The following SEC14L6 variants were observed in gnomAD, a reference collection of about 807,000 sequenced individuals.
The protein encoded by SEC14L6 is SEC14 like lipid binding 6.
In SEC14L6, 40 loss-of-function variants were observed where a neutral mutation model predicts 54.1. The ratio of observed to expected loss-of-function variants is 0.74; its 90% CI spans 0.57 to 0.96. The LOEUF is 0.96. Among genes scored for constraint, SEC14L6 ranks in the 40% least tolerant of loss-of-function variants. The probability of loss-of-function intolerance (pLI) is 0.00; values close to 1 mark genes in which losing one functional copy is unlikely to be tolerated. For synonymous variants in SEC14L6, 171 were observed against 198.4 expected, an observed-to-expected ratio of 0.86 and a Z score of 1.16; for missense variants, 471 against 498.3, an observed-to-expected ratio of 0.95 and a Z score of 0.52.
intron 2 of SEC14L6, among the ~76,000 whole-genome samples, chr22:30,534,830 G>C (rs1601891038): frequency 6.6e-6 from 1 of 152,138 alleles, no homozygotes; most frequent in African/African-American, 2.4e-5. Context: ...TTCGAGACCA[G>C]CCTGGACAAC....
chr22:30,529,111 G>T lies in SEC14L6; in HGVS notation c.640C>A (p.Arg214Ser), dbSNP rs746827312. 79 of 1,550,966 alleles carry T rather than the reference G, an allele frequency of 5.1e-5. No homozygotes were observed. Among genetic ancestry groups the T allele is most frequent in the Non-Finnish European group, 6.3e-5 (72 of 1,147,080 alleles). ...CCTCCGAGAATCACCACCTTCCTGCGTGTCTCTTCACTCATGTAAGACTTG... is the reference window on the plus strand; with the variant it reads ...CCTCCGAGAATCACCACCTTCCTGCTTGTCTCTTCACTCATGTAAGACTTG... ...LVKSYMSEET[R>S]RKVVILGDNW... The change falls in exon 8 of 12, where the codon CGC becomes AGC. Residue 214 changes from arginine (R) to serine (S), a missense_variant. By Grantham distance (110) the Arg-to-Ser change is moderately radical (BLOSUM62 -1). Transcript: ENST00000402034.
At position 30,525,410 on chromosome 22, in the gene SEC14L6, G is replaced by T. The variant is rs779361969; in HGVS notation, c.1021C>A (p.Arg341Ser). 8 of 1,614,046 alleles carry T rather than the reference G, an allele frequency of 5.0e-6. No individual in the cohort carries two copies. The highest frequency in any genetic ancestry group is 6.8e-6 in the Non-Finnish European group (8 of 1,180,036). Residue 341 changes from arginine to serine, a missense_variant, in exon 11 of 12, where the codon CGC becomes AGC. Transcript: ENST00000402034. ...REMTEVLPSQ[R>S]YNAHMVPEDG... ...TCAGGCACCATGTGGGCATTGTAGC[G>T]CTGGCTGGGCAGCACCTCTGTCATC...
intron 1 of SEC14L6, among the ~76,000 whole-genome samples, chr22:30,542,130 C>T (rs1374052837): frequency 6.6e-6 from 1 of 152,184 alleles, no homozygotes; most frequent in East Asian, 1.9e-4. Context: ...ACACCGCGAC[C>T]CTCCCCATCC....
At chr22:30,545,010 C>T (rs999423573) in intron 1 of SEC14L6, among the ~76,000 whole-genome samples, 1 of 152,150 alleles carries the variant, frequency 6.6e-6, no homozygotes, top group Non-Finnish European at 1.5e-5. Flanking sequence ...CACCTCCCAC[C>T]CCGCATACAC....
rs746827312 is a variant in SEC14L6, at chr22:30,529,111, G to A, written c.640C>T (p.Arg214Cys). ...CCTCCGAGAATCACCACCTTCCTGC[G>A]TGTCTCTTCACTCATGTAAGACTTG... is the stretch of plus-strand genomic sequence containing the variant. Reference protein sequence around the residue: ...LVKSYMSEETRRKVVILGDNW... With the variant: ...LVKSYMSEETCRKVVILGDNW... Residue 214 changes from arginine (R) to cysteine (C), a missense_variant, in exon 8 of 12, where the codon CGC becomes TGC. Coordinates refer to ENST00000402034, the MANE Select transcript of SEC14L6 (RefSeq NM_001193336.4). 2.1e-5 allele frequency: 32 copies of A among 1,550,966 alleles called. No individual in the cohort carries two copies. The highest frequency in any genetic ancestry group is 1.8e-4 in the African/African-American group (13 of 72,964).
chr22:30,526,264 G>C (rs73881473), intron 8 of SEC14L6, among the ~76,000 whole-genome samples: 8,990 of 152,294 alleles, frequency 0.059, 436 homozygotes, highest in South Asian at 0.17. Context: ...TGGAGCCTGG[G>C]GTTGAGGTCA....
At chr22:30,531,462 C>T (rs944859824) in intron 6 of SEC14L6, among the ~76,000 whole-genome samples, 2 of 151,520 alleles carry the variant, frequency 1.3e-5, no homozygotes, top group Non-Finnish European at 2.9e-5. Flanking sequence ...CAGTGGCTCA[C>T]GCCTGTAATC....
chr22:30,522,905 A>T lies in SEC14L6; in HGVS notation c.*2092T>A, dbSNP rs560826386. ...GTGTGGTCCATCCATACAGTGGTAT[A>T]TTACTCAGCAACGAAAAGCAACTAA... On this transcript the variant is annotated 3_prime_UTR_variant, in exon 12 of 12. Transcript: ENST00000402034. The T allele has an allele frequency of 6.6e-6, 1 of 152,364 alleles. No homozygotes were observed. The highest frequency in any genetic ancestry group is 1.9e-4 in the East Asian group (1 of 5,190). The allele number at this position is 152,364 out of a possible 1,614,324, so 9.4% of individuals were successfully genotyped here. A position where few individuals can be genotyped will look rare whatever the true frequency, so the allele number is the denominator to read the frequency against.
chr22:30,531,788 G>T, intron 6 of SEC14L6, 115 bp downstream of exon 6: 6 of 694,186 alleles, frequency 8.6e-6, no homozygotes, highest in Non-Finnish European at 1.2e-5. Context: ...CTGTGGGCGG[G>T]TACTCACCTG....
intron 1 of SEC14L6, among the ~76,000 whole-genome samples, chr22:30,545,992 C>T (rs370187665): frequency 6.6e-6 from 1 of 152,030 alleles, no homozygotes; most frequent in South Asian, 2.1e-4. Flanking sequence ...CTCCTGACCT[C>T]AAATGATCCA....
At chr22:30,534,196 C>G (rs1937072812) in intron 2 of SEC14L6, among the ~76,000 whole-genome samples, 157 bp from the exon 3 acceptor site, 1 of 152,206 alleles carries the variant, frequency 6.6e-6, no homozygotes, top group African/African-American at 2.4e-5. Context: ...GCTGAGATAT[C>G]CGGAGACCCA....
chr22:30,534,252 G>A (rs1937074447), intron 2 of SEC14L6, among the ~76,000 whole-genome samples: 1 of 152,186 alleles, frequency 6.6e-6, no homozygotes, highest in African/African-American at 2.4e-5. Flanking sequence ...ATGCCCCTTG[G>A]TGGGCCTTGG....
In SEC14L6 at chr22:30,538,607, C is replaced by T. The variant is rs1011193263; in HGVS notation, c.130+220G>A. Among the ~76,000 whole-genome samples the T allele has an allele frequency of 4.6e-5, 7 of 152,294 alleles. No homozygotes were observed. The South Asian group carries it at 6.2e-4, about 14-fold the overall frequency. On this transcript the variant is annotated intron_variant, in intron 2 of 11. Transcript: ENST00000402034. ...TCAAACCTTCAGATGACTGCATCCC[C>T]GATGGGTATCTTGACTGCAACCTCA...
In SEC14L6 at chr22:30,532,838, G is replaced by A. The variant is rs768715092; in HGVS notation, c.193C>T (p.Gln65Ter). 1.3e-5 allele frequency: 21 copies of A among 1,613,638 alleles called. No homozygotes were observed. In the East Asian group the frequency reaches 4.5e-4, roughly 34 times the overall value. ...GCAAGGATGTTGGCCAGGTCTTGTT[G>A]CTTCCGGAACTCCATATGCTGCAGA... Reference protein sequence around the residue: ...MLRKHMEFRKQQDLANILAWQ... With the variant: ...MLRKHMEFRK Residue 65 changes from glutamine to a stop codon, truncating the protein, a stop_gained, in exon 4 of 12, where the codon CAA becomes TAA. Transcript: ENST00000402034. LOFTEE classifies it high-confidence loss of function.
chr22:30,525,931 G>A lies in SEC14L6; in HGVS notation c.666C>T (p.Asp222=), dbSNP rs753280615. ...ETRRKVVILG[D]NWKQELTKFI... ...ATTTTGTCAGCTCCTGCTTCCAGTTGTCTGCATGGGAGCAAGAGAGGGACT... is the reference window on the plus strand; with the variant it reads ...ATTTTGTCAGCTCCTGCTTCCAGTTATCTGCATGGGAGCAAGAGAGGGACT... Residue 222 remains aspartate (D), a splice_region_variant and synonymous_variant, in exon 9 of 12, where the codon GAC becomes GAT. Transcript: ENST00000402034. 27 of 1,600,436 alleles carry A rather than the reference G, an allele frequency of 1.7e-5. No homozygotes were observed. The East Asian group carries it at 5.8e-4, about 35-fold the overall frequency.
At chr22:30,539,107 T>C (rs751865971) in intron 1 of SEC14L6, among the ~76,000 whole-genome samples, 7 of 152,288 alleles carry the variant, frequency 4.6e-5, no homozygotes, top group South Asian at 2.1e-4. Flanking sequence ...CCAGGCGCGG[T>C]GGCTCACGCC....
At chr22:30,539,002 C>T (rs1458024796) in intron 1 of SEC14L6, 100 bp from the exon 2 acceptor site, 1 of 774,404 alleles carries the variant, frequency 1.3e-6, no homozygotes, top group Non-Finnish European at 2.2e-6. Flanking sequence ...GTGAAGAGGT[C>T]CCACTCGGGC....
At chr22:30,526,231 T>C (rs1346606139) in intron 8 of SEC14L6, among the ~76,000 whole-genome samples, 4 of 152,194 alleles carry the variant, frequency 2.6e-5, no homozygotes, top group Admixed American at 6.5e-5. Flanking sequence ...GCCACGTTCA[T>C]AGGAACTCGG....
chr22:30,531,712 G>A (rs1936979890), intron 6 of SEC14L6, among the ~76,000 whole-genome samples, 191 bp downstream of exon 6: 1 of 152,128 alleles, frequency 6.6e-6, no homozygotes, highest in Non-Finnish European at 1.5e-5. Context: ...CAACAAGAGC[G>A]AAACTCCATT....
Sources: gnomAD v4.1 joint callset for allele counts (sites outside exome capture counted in the v4.1 genomes callset) on GRCh38, gnomAD v4.1.1 for gene constraint, MANE v1.5 for transcripts, NCBI Gene and HGNC (gene_info 2026-07-23, HGNC 2026-07-21) for gene names.